Variants in STRBP observed in about 807,000 individuals in gnomAD.
STRBP encodes spermatid perinuclear RNA-binding protein.
A neutral mutation model predicts 80.1 loss-of-function variants in STRBP; 13 were observed. The ratio of observed to expected loss-of-function variants is 0.16; its 90% CI spans 0.11 to 0.26. STRBP has a LOEUF of 0.26. STRBP is among the 10% of genes least tolerant of loss of function. STRBP has a pLI of 1.00. For missense variants in STRBP, 485 were observed against 815.2 expected, an observed-to-expected ratio of 0.59 and a Z score of 4.93; for synonymous variants, 284 against 291.2, an observed-to-expected ratio of 0.98 and a Z score of 0.25.
intron 6 of STRBP, among the ~76,000 whole-genome samples, chr9:123,166,678 CAGG>C (rs1208872439): frequency 6.6e-6 from 1 of 151,942 alleles, no homozygotes; most frequent in Non-Finnish European, 1.5e-5. Context: ...TGCTTGAACC[CAGG>C]AGGCAGAGGT....
At chr9:123,109,863 TG>T (rs1457209523) in intron 3 of STRBP, 1 of 152,196 alleles carries the variant, frequency 6.6e-6, no homozygotes, top group Non-Finnish European at 1.5e-5. Flanking sequence ...ACAAAGTTAT[TG>T]CCAAGGATTT....
rs1564270934 is a variant in STRBP at position 123,179,232 on chromosome 9, T to A, written c.4-5A>T. 1.3e-6 allele frequency: 2 copies of A among 1,596,382 alleles called. No individual in the cohort carries two copies. The highest frequency in any genetic ancestry group is 1.1e-5 in the South Asian group (1 of 90,608). On this transcript the variant is annotated splice_polypyrimidine_tract_variant and splice_region_variant and intron_variant, in intron 3 of 18. Transcript: ENST00000348403. Reference sequence around the variant, plus strand: ...AGCAAAAGATCGAATAGATCTCTGTTAGAAGGAGAACGAAAACAATTACTT... The same window carrying A: ...AGCAAAAGATCGAATAGATCTCTGTAAGAAGGAGAACGAAAACAATTACTT...
chr9:123,243,989 G>A (rs966123570), intron 1 of STRBP, among the ~76,000 whole-genome samples: 55 of 152,268 alleles, frequency 3.6e-4, no homozygotes, highest in African/African-American at 1.3e-3. Flanking sequence ...TAGCAGTTCT[G>A]TTCATAATTT....
At chr9:123,228,539 A>G (rs1161346855) in intron 2 of STRBP, among the ~76,000 whole-genome samples, 2 of 152,204 alleles carry the variant, frequency 1.3e-5, no homozygotes, top group African/African-American at 4.8e-5. Context: ...ATTACGGAGG[A>G]ATGAATAATT....
intron 1 of STRBP, among the ~76,000 whole-genome samples, chr9:123,239,459 C>T (rs1490045572): frequency 1.3e-5 from 2 of 152,164 alleles, no homozygotes; most frequent in African/African-American, 2.4e-5. Context: ...CACATTTAGA[C>T]TCACTGCCAA....
At chr9:123,264,196 T>C (rs1290900068) in intron 1 of STRBP, among the ~76,000 whole-genome samples, 5 of 152,172 alleles carry the variant, frequency 3.3e-5, no homozygotes, top group African/African-American at 4.8e-5. Flanking sequence ...AAAAAAAGAA[T>C]TGAATTCACT....
intron 2 of STRBP, among the ~76,000 whole-genome samples, chr9:123,204,609 G>T (rs1395773878): frequency 6.6e-6 from 1 of 152,176 alleles, no homozygotes; most frequent in Non-Finnish European, 1.5e-5. Context: ...GGGGTAATGT[G>T]CCAAGAAACA....
chr9:123,210,966 A>C (rs1332550361), intron 2 of STRBP, among the ~76,000 whole-genome samples: 1 of 152,222 alleles, frequency 6.6e-6, no homozygotes, highest in Non-Finnish European at 1.5e-5. Context: ...TTATGTATTG[A>C]TGGTAGGAAA....
chr9:123,180,257 A>G (rs2038400842), intron 3 of STRBP, among the ~76,000 whole-genome samples: 2 of 152,218 alleles, frequency 1.3e-5, no homozygotes, highest in Admixed American at 6.5e-5. Context: ...CCAGGTCTCT[A>G]TTTAAATTTT....
At position 123,206,768 on chromosome 9, in the gene STRBP, A is replaced by G. The variant is rs140997767; in HGVS notation, c.-164-22470T>C. ...ACTCTCCTGCCTCAGCCTCCTGAGT[A>G]GCTGGAATTACAGGCACCCGCCACC... On this transcript the variant is annotated intron_variant, in intron 2 of 18. Transcript: ENST00000348403. Among the ~76,000 whole-genome samples the G allele has an allele frequency of 4.3e-3, 655 of 152,030 alleles. 7 individuals are homozygous for G. Among genetic ancestry groups the G allele is most frequent in the East Asian group, 0.034 (173 of 5,164 alleles).
Position 123,137,610 on chromosome 9 carries a change from G to A in STRBP, c.1498-1095C>T, listed in dbSNP as rs185497919. 7.2e-5 allele frequency among the ~76,000 whole-genome samples: 11 copies of A among 152,210 alleles called. No individual in the cohort carries two copies. The East Asian group carries it at 1.2e-3, about 16-fold the overall frequency. On this transcript the variant is annotated intron_variant, in intron 14 of 18. Coordinates refer to ENST00000348403, the MANE Select transcript of STRBP (RefSeq NM_018387.5). Reference sequence around the variant, plus strand: ...TTTAGTAGAGACAGGGTATCGCCACGTTGGCCAGGGTGCACTCAAACTCCT... The same window carrying A: ...TTTAGTAGAGACAGGGTATCGCCACATTGGCCAGGGTGCACTCAAACTCCT...
At chr9:123,139,144 A>G (rs1283442442) in intron 14 of STRBP, among the ~76,000 whole-genome samples, 3 of 152,158 alleles carry the variant, frequency 2.0e-5, no homozygotes, top group African/African-American at 7.2e-5. Context: ...AATAATCCCA[A>G]TTTCCTCCTC....
rs541832313 is a variant in STRBP, at chr9:123,175,631, T to C, written c.225-1789A>G. ...TTAACAATAGAGAATCAGTCATCTTTGATTTCTTCTTCCTCTGTATCCTTG... is the reference window on the plus strand; with the variant it reads ...TTAACAATAGAGAATCAGTCATCTTCGATTTCTTCTTCCTCTGTATCCTTG... On this transcript the variant is annotated intron_variant, in intron 4 of 18. Transcript: ENST00000348403. Among the ~76,000 whole-genome samples, 4 of 152,356 alleles carry C rather than the reference T, an allele frequency of 2.6e-5. No individual in the cohort carries two copies. The East Asian group carries it at 7.7e-4, about 29-fold the overall frequency.
At chr9:123,233,450 G>A (rs771210142) in intron 2 of STRBP, among the ~76,000 whole-genome samples, 8 of 152,202 alleles carry the variant, frequency 5.3e-5, no homozygotes, top group Non-Finnish European at 1.2e-4. Flanking sequence ...ATGTCAAAAT[G>A]TTTAGGGGTA....
rs776378745 is a variant in STRBP, at chr9:123,179,045, T to C, written c.186A>G (p.Thr62=). 2 of 1,614,174 alleles carry C rather than the reference T, an allele frequency of 1.2e-6. No individual in the cohort carries two copies. Among genetic ancestry groups the C allele is most frequent in the East Asian group, 4.5e-5 (2 of 44,880 alleles). ...TNKGTKTEGE[T]EVKKDEAGEN... Reference sequence around the variant, plus strand: ...CTCCGGCCTCATCTTTCTTCACTTCTGTCTCACCCTCTGTTTTTGTGCCTT... The same window carrying C: ...CTCCGGCCTCATCTTTCTTCACTTCCGTCTCACCCTCTGTTTTTGTGCCTT... The change falls in exon 4 of 19, where the codon ACA becomes ACG. Residue 62 remains threonine, a synonymous_variant. Coordinates refer to ENST00000348403, the MANE Select transcript of STRBP (RefSeq NM_018387.5).
At chr9:123,225,154 G>A (rs2040195250) in intron 2 of STRBP, among the ~76,000 whole-genome samples, 1 of 152,210 alleles carries the variant, frequency 6.6e-6, no homozygotes, top group African/African-American at 2.4e-5. Context: ...GGAGTGGGGA[G>A]TGTGCAGTGA....
chr9:123,114,675 TC>T (rs1266255386), intron 3 of STRBP: 1 of 170,350 alleles, frequency 5.9e-6, no homozygotes, highest in African/African-American at 2.4e-5. Flanking sequence ...CCATTCTACC[TC>T]CTCTGTACCC....
At chr9:123,220,979 C>T (rs1300395942) in intron 2 of STRBP, among the ~76,000 whole-genome samples, 1 of 151,960 alleles carries the variant, frequency 6.6e-6, no homozygotes, top group East Asian at 1.9e-4. Flanking sequence ...AAATGACCAA[C>T]TGACAATAAA....
Position 123,123,529 on chromosome 9 carries a change from A to C in STRBP, c.*2068T>G. On this transcript the variant is annotated 3_prime_UTR_variant, in exon 19 of 19. Transcript: ENST00000348403. Reference sequence around the variant, plus strand: ...GTTAGTAACTTCCAACAAACAACAAAATTAAAAAAAAAAAAAAAAGACTTG... The same window carrying C: ...GTTAGTAACTTCCAACAAACAACAACATTAAAAAAAAAAAAAAAAGACTTG... 1.2e-6 allele frequency: 1 copy of C among 857,344 alleles called. No homozygotes were observed. The highest frequency in any genetic ancestry group is 6.0e-5 in the South Asian group (1 of 16,684). The allele number at this position is 857,344 out of a possible 1,614,324, so 53.1% of individuals were successfully genotyped here. A position where few individuals can be genotyped will look rare whatever the true frequency, so the allele number is the denominator to read the frequency against.
Sources: allele counts gnomAD v4.1 joint callset (sites outside exome capture counted in the v4.1 genomes callset), GRCh38; gene constraint gnomAD v4.1.1; transcripts MANE v1.5; gene names NCBI Gene and HGNC (gene_info 2026-07-23, HGNC 2026-07-21).